Variants in TRPM3 observed in about 807,000 individuals in gnomAD.
TRPM3 encodes the protein long transient receptor potential channel 3.
TRPM3 carries 77 observed loss-of-function variants against 181.2 expected under a neutral mutation model. The ratio of observed to expected loss-of-function variants is 0.42; its 90% confidence interval spans 0.35 to 0.51. The LOEUF (loss-of-function observed/expected upper bound fraction) is 0.51. TRPM3 is among the 20% of genes least tolerant of loss of function. The pLI is 0.01. For synonymous variants in TRPM3, 745 were observed against 796.4 expected (o/e 0.94, Z 1.09); for missense variants, 1,759 against 2,196.7 (o/e 0.80, Z 3.98).
At chr9:71,426,048 G>T (rs1194623110) in intron 1 of TRPM3, among the ~76,000 whole-genome samples, 2 of 151,872 alleles carry the variant, frequency 1.3e-5, no homozygotes, top group Non-Finnish European at 2.9e-5. Flanking sequence ...CCTTGTGCCA[G>T]TTATTTTATG....
At chr9:70,841,363 C>A (rs566117256) in intron 5 of TRPM3, among the ~76,000 whole-genome samples, 23 of 151,948 alleles carry the variant, frequency 1.5e-4, no homozygotes, top group African/African-American at 5.1e-4. Flanking sequence ...ACAAAACTGA[C>A]ATCTCATTCC....
chr9:71,246,767 G>C (rs778989545), intron 1 of TRPM3, among the ~76,000 whole-genome samples: 2 of 152,112 alleles, frequency 1.3e-5, no homozygotes, highest in Non-Finnish European at 2.9e-5. Flanking sequence ...CCTAATATCA[G>C]GAAGATTTAG....
intron 1 of TRPM3, among the ~76,000 whole-genome samples, chr9:71,181,020 G>C (rs2077371549): frequency 6.6e-6 from 1 of 152,120 alleles, no homozygotes; most frequent in Non-Finnish European, 1.5e-5. Context: ...TGATAATATA[G>C]TCACAAGGGA....
intron 9 of TRPM3, among the ~76,000 whole-genome samples, chr9:70,666,701 G>A (rs2061895636): frequency 6.6e-6 from 1 of 152,064 alleles, no homozygotes; most frequent in Non-Finnish European, 1.5e-5. Context: ...TCTTGCTCCT[G>A]TGTTCCTCTA....
In TRPM3 at chr9:70,784,051, C is replaced by G. The variant is rs778658393; in HGVS notation, c.1148+54G>C. 15 of 1,568,060 alleles carry G rather than the reference C, an allele frequency of 9.6e-6. No individual in the cohort carries two copies. The South Asian group carries it at 1.8e-4, about 19-fold the overall frequency. On this transcript the variant is annotated intron_variant, in intron 7 of 25. Coordinates refer to ENST00000677713, the MANE Select transcript of TRPM3 (RefSeq NM_001366145.2). ...ACTGAAAACATAATCCACTCATACC[C>G]TCGTTTCCAAACAGGCTTTAGGGTT...
In TRPM3 at chr9:70,610,687, G is replaced by C; in HGVS notation, c.2589C>G (p.Ser863Arg). ...SRKKDEEEVQ[S>R]KHRLIPLGRK... ...TGCCGAGGGGGATTAACCGGTGCTT[G>C]CTCTGAACTTCCTCTTCATCCTTCT... Residue 863 changes from serine to arginine, a missense_variant, in exon 19 of 26, where the codon AGC becomes AGG. Around this residue, in one of 8 missense-constraint regions of TRPM3, gnomAD observed 114 missense variants for 134.8 expected, o/e 0.85. Coordinates refer to ENST00000677713, the MANE Select transcript of TRPM3 (RefSeq NM_001366145.2). 3 of 1,614,192 alleles carry C rather than the reference G, an allele frequency of 1.9e-6. No individual in the cohort carries two copies. The highest frequency in any genetic ancestry group is 2.5e-6 in the Non-Finnish European group (3 of 1,180,018).
At chr9:71,144,404 T>C (rs1396228607) in intron 1 of TRPM3, among the ~76,000 whole-genome samples, 1 of 152,224 alleles carries the variant, frequency 6.6e-6, no homozygotes, top group African/African-American at 2.4e-5. Flanking sequence ...ATCCCTTTCA[T>C]TCTTTTCTCT....
chr9:71,162,520 A>G (rs1251029119), intron 1 of TRPM3, among the ~76,000 whole-genome samples: 1 of 152,182 alleles, frequency 6.6e-6, no homozygotes, highest in Non-Finnish European at 1.5e-5. Context: ...TTCATGCAAT[A>G]TTACTAGAAA....
intron 9 of TRPM3, among the ~76,000 whole-genome samples, chr9:70,651,583 G>C (rs771615289): frequency 3.3e-5 from 5 of 152,102 alleles, no homozygotes; most frequent in South Asian, 2.1e-4. Context: ...TTTGCATCTT[G>C]GGGTGTCACT....
chr9:71,373,648 C>CA (rs1473822211), intron 1 of TRPM3, among the ~76,000 whole-genome samples: 3 of 151,718 alleles, frequency 2.0e-5, no homozygotes, highest in Non-Finnish European at 2.9e-5. Context: ...GCCTACCAAG[C>CA]AAAAAAAGCC....
chr9:70,539,012 G>T (rs1234861660), intron 25 of TRPM3, among the ~76,000 whole-genome samples: 1 of 152,166 alleles, frequency 6.6e-6, no homozygotes, highest in African/African-American at 2.4e-5. Flanking sequence ...ATTTAAATGA[G>T]ACCCATGCAC....
At chr9:71,005,017 G>T (rs1284703502) in intron 1 of TRPM3, among the ~76,000 whole-genome samples, 2 of 152,174 alleles carry the variant, frequency 1.3e-5, no homozygotes, top group Non-Finnish European at 2.9e-5. Context: ...CATACTAGGA[G>T]TTCCCAAGGG....
chr9:71,420,643 GAGAAAGAGAAAGAAAAAGAGAA>G (rs2093716141), intron 1 of TRPM3, among the ~76,000 whole-genome samples: 1 of 125,172 alleles, frequency 8.0e-6, no homozygotes, highest in Non-Finnish European at 1.8e-5. Context: ...GAAAAAGAGA[GAGAAAGAGAAAGAAAAAGAGAA>G]AGAAAGAGAG....
At chr9:70,903,105 A>C (rs2096409211) in intron 1 of TRPM3, among the ~76,000 whole-genome samples, 1 of 152,196 alleles carries the variant, frequency 6.6e-6, no homozygotes, top group African/African-American at 2.4e-5. Context: ...TCAGAAACCA[A>C]ATCCAGCACA....
In TRPM3 at chr9:70,677,344, T is replaced by C. The variant is rs190409481; in HGVS notation, c.1345+4162A>G. On this transcript the variant is annotated intron_variant, in intron 9 of 25. Coordinates refer to ENST00000677713, the MANE Select transcript of TRPM3 (RefSeq NM_001366145.2). ...TGACTGCAAAACTGTCCTGAGCTGCTAATCTAAGCACACTGCCTATTGGGT... is the reference window on the plus strand; with the variant it reads ...TGACTGCAAAACTGTCCTGAGCTGCCAATCTAAGCACACTGCCTATTGGGT... Among the ~76,000 whole-genome samples the C allele has an allele frequency of 1.1e-4, 16 of 152,372 alleles. No homozygotes were observed. In the East Asian group the frequency reaches 2.5e-3, roughly 24 times the overall value.
intron 1 of TRPM3, among the ~76,000 whole-genome samples, chr9:71,189,082 T>C (rs2077855433): frequency 6.6e-6 from 1 of 151,896 alleles, no homozygotes; most frequent in Admixed American, 6.6e-5. Flanking sequence ...TCAATAAGGA[T>C]ACTTCTGAAC....
intron 1 of TRPM3, among the ~76,000 whole-genome samples, chr9:71,163,563 A>C (rs565631073): frequency 7.9e-5 from 12 of 152,320 alleles, no homozygotes; most frequent in African/African-American, 2.9e-4. Context: ...AATCAAATTG[A>C]GGTAACAAAC....
At chr9:70,576,202 T>A (rs2053883807) in intron 22 of TRPM3, among the ~76,000 whole-genome samples, 1 of 152,230 alleles carries the variant, frequency 6.6e-6, no homozygotes, top group East Asian at 1.9e-4. Flanking sequence ...GGTATCACCA[T>A]ATCAGTGTCA....
chr9:70,759,947 T>G (rs547848044), intron 8 of TRPM3, among the ~76,000 whole-genome samples: 1 of 152,072 alleles, frequency 6.6e-6, no homozygotes, highest in South Asian at 2.1e-4. Context: ...TCTACACAAG[T>G]ATCCCAGAAC....
Sources: allele counts gnomAD v4.1 joint callset (sites outside exome capture counted in the v4.1 genomes callset), GRCh38; gene constraint gnomAD v4.1.1; regional missense constraint gnomAD v4.1.1; transcripts MANE v1.5; gene names NCBI Gene and HGNC (gene_info 2026-07-23, HGNC 2026-07-21).